MOB1A: variants seen among roughly 807,000 people sequenced by gnomAD.
The protein encoded by MOB1A is MOB1 Mps One Binder homolog A.
MOB1A carries 10 observed loss-of-function variants against 25.1 expected under a neutral mutation model. The observed-to-expected ratio is 0.40, with a 90% CI of 0.25 to 0.68. The LOEUF (loss-of-function observed/expected upper bound fraction) is 0.68, where lower values mean the gene tolerates loss of function less well. MOB1A is among the 30% of genes least tolerant of loss of function. The pLI, the probability that MOB1A is intolerant of heterozygous loss-of-function variation, is 0.40. For synonymous variants in MOB1A, 81 were observed against 79.5 expected, an observed-to-expected ratio of 1.02 and a Z score of -0.10; for missense variants, 177 against 256.3, an observed-to-expected ratio of 0.69 and a Z score of 2.11.
intron 1 of MOB1A, among the ~76,000 whole-genome samples, chr2:74,173,005 G>A (rs532575322): frequency 4.6e-5 from 7 of 152,048 alleles, no homozygotes; most frequent in South Asian, 4.1e-4. Context: ...GCATGATGGC[G>A]CACACCTGTA....
At chr2:74,174,595 T>C (rs537688761) in intron 1 of MOB1A, among the ~76,000 whole-genome samples, 26 of 152,336 alleles carry the variant, frequency 1.7e-4, no homozygotes, top group African/African-American at 5.3e-4. Flanking sequence ...CAACTCGTTA[T>C]TGAGGAAAAA....
rs1472180432 is a variant in MOB1A at position 74,155,144 on chromosome 2, G to C, written c.*1424C>G. ...CACATAGAATGCTGATGAACTTAAA[G>C]CTTTGCCAGTTTGGCAAGTCTTCCA... On this transcript the variant is annotated 3_prime_UTR_variant, in exon 6 of 6. Coordinates refer to ENST00000396049, the MANE Select transcript of MOB1A (RefSeq NM_018221.5). The C allele has an allele frequency of 6.6e-6, 1 of 152,406 alleles. No individual in the cohort carries two copies. Among genetic ancestry groups the C allele is most frequent in the East Asian group, 1.9e-4 (1 of 5,194 alleles). 9.4% of individuals were successfully genotyped at this position (152,406 alleles called of 1,614,324 possible).
intron 5 of MOB1A, 30 bp downstream of exon 5, chr2:74,159,061 G>A (rs755205310): frequency 1.2e-5 from 19 of 1,610,706 alleles, no homozygotes; most frequent in African/African-American, 8.0e-5. Flanking sequence ...CCAAGTCACA[G>A]GACACAGAAA....
rs1022516721 is a variant in MOB1A, at chr2:74,154,482, T to G, written c.*2086A>C. On this transcript the variant is annotated 3_prime_UTR_variant, in exon 6 of 6. Transcript: ENST00000396049. ...TTTATGTCCCATTTATAAGCTGCCT[T>G]TACTACTGTCCTGACATGTGATCGT... 2 of 152,240 alleles carry G rather than the reference T, an allele frequency of 1.3e-5. No individual in the cohort carries two copies. Among genetic ancestry groups the G allele is most frequent in the Non-Finnish European group, 2.9e-5 (2 of 68,042 alleles). The allele number at this position is 152,240 out of a possible 1,614,324, so 9.4% of individuals were successfully genotyped here.
At chr2:74,158,571 G>A (rs376389491) in intron 5 of MOB1A, among the ~76,000 whole-genome samples, 8 of 152,034 alleles carry the variant, frequency 5.3e-5, no homozygotes, top group African/African-American at 1.9e-4. Context: ...GGGTGGATCA[G>A]GAGTTCGAGA....
In MOB1A at chr2:74,153,192, G is replaced by A. The variant is rs1692705086; in HGVS notation, c.*3376C>T. The A allele has an allele frequency of 6.6e-6, 1 of 152,208 alleles. No individual in the cohort carries two copies. The highest frequency in any genetic ancestry group is 1.5e-5 in the Non-Finnish European group (1 of 68,050). 9.4% of individuals were successfully genotyped at this position (152,208 alleles called of 1,614,324 possible). A position where few individuals can be genotyped will look rare whatever the true frequency, so the allele number is the denominator to read the frequency against. On this transcript the variant is annotated 3_prime_UTR_variant, in exon 6 of 6. Transcript: ENST00000396049. ...GGAGGCAGGCTCCTAAAACAAGGCG[G>A]TAGCACCAGCACCATGACTAGGGCT... is the stretch of plus-strand genomic sequence containing the variant.
intron 5 of MOB1A, among the ~76,000 whole-genome samples, chr2:74,157,217 A>C (rs1558829908): frequency 1.3e-5 from 2 of 151,508 alleles, no homozygotes; most frequent in South Asian, 4.2e-4. Flanking sequence ...CAATTATTTA[A>C]TCAATCATGG....
At chr2:74,168,721 A>G (rs1962332) in intron 2 of MOB1A, among the ~76,000 whole-genome samples, 21,450 of 152,296 alleles carry the variant, frequency 0.14, 1,833 homozygotes, top group East Asian at 0.38. Context: ...TTAAAAAACA[A>G]ATAGATTTTT....
chr2:74,176,869 T>C (rs950421482), intron 1 of MOB1A, among the ~76,000 whole-genome samples: 21 of 152,074 alleles, frequency 1.4e-4, no homozygotes, highest in Admixed American at 7.9e-4. Flanking sequence ...ACTTTGAAGT[T>C]TGGCAGTTCC....
chr2:74,167,134 A>G, intron 2 of MOB1A, 27 bp from the exon 3 acceptor site: 2 of 1,583,806 alleles, frequency 1.3e-6, no homozygotes, highest in Non-Finnish European at 8.7e-7. Context: ...ATTGTGTCAA[A>G]ATGTCTGTGT....
intron 4 of MOB1A, among the ~76,000 whole-genome samples, chr2:74,162,664 G>A (rs574135824): frequency 4.6e-5 from 7 of 152,198 alleles, no homozygotes; most frequent in African/African-American, 1.7e-4. Context: ...GAAATAAAAG[G>A]TTTAATAGCA....
chr2:74,171,223 G>A (rs1030643564), intron 2 of MOB1A, among the ~76,000 whole-genome samples: 1 of 151,860 alleles, frequency 6.6e-6, no homozygotes, highest in Non-Finnish European at 1.5e-5. Context: ...TGGAGGTGGA[G>A]GTTGCAGTGA....
intron 1 of MOB1A, among the ~76,000 whole-genome samples, chr2:74,176,756 T>G (rs1231101740): frequency 7.0e-6 from 1 of 142,782 alleles, no homozygotes; most frequent in Non-Finnish European, 1.5e-5. Flanking sequence ...AGAGCAAGAC[T>G]CTGTCTCAAA....
At chr2:74,175,107 A>G (rs537749201) in intron 1 of MOB1A, among the ~76,000 whole-genome samples, 1 of 152,302 alleles carries the variant, frequency 6.6e-6, no homozygotes, top group South Asian at 2.1e-4. Context: ...ACCTCTTGTC[A>G]TATCAGCAGA....
At chr2:74,167,392 C>A (rs1693162200) in intron 2 of MOB1A, among the ~76,000 whole-genome samples, 2 of 152,142 alleles carry the variant, frequency 1.3e-5, no homozygotes, top group Admixed American at 1.3e-4. Flanking sequence ...ATTACAGGTG[C>A]ATGCCACCAC....
chr2:74,163,756 T>C (rs1297717458), intron 4 of MOB1A, among the ~76,000 whole-genome samples: 2 of 151,998 alleles, frequency 1.3e-5, no homozygotes, highest in African/African-American at 2.4e-5. Flanking sequence ...ATTAAGAAAC[T>C]TGAACAACTG....
At chr2:74,178,073 T>A (rs968838960) in intron 1 of MOB1A, 4 of 152,240 alleles carry the variant, frequency 2.6e-5, no homozygotes, top group Admixed American at 2.6e-4. Context: ...ATAATAATGC[T>A]GTATGGTATA....
At position 74,159,211 on chromosome 2, in the gene MOB1A, A is replaced by G. The variant is rs759852322; in HGVS notation, c.453T>C (p.Ile151=). 8 of 1,613,852 alleles carry G rather than the reference A, an allele frequency of 5.0e-6. No individual in the cohort carries two copies. In the South Asian group the frequency reaches 5.5e-5, roughly 11 times the overall value. Residue 151 remains isoleucine (I), a synonymous_variant, in exon 5 of 6, where the codon ATT becomes ATC. Coordinates refer to ENST00000396049, the MANE Select transcript of MOB1A (RefSeq NM_018221.5). The stretch of plus-strand genomic sequence containing the variant: ...CATAAACCCTGAACAGACGCTTTAG[A>G]ATAGTCTTTGCCACAGACATAAAGT... ...PKNFMSVAKT[I]LKRLFRVYAH...
rs1692758426 is a variant in MOB1A at position 74,154,823 on chromosome 2, T to TA, written c.*1744_*1745insT. On this transcript the variant is annotated 3_prime_UTR_variant, in exon 6 of 6. Transcript: ENST00000396049. ...TTGGATAAGCTTAAAACATGGATTGTGGAATGTCTAATAGAGGGCTTTTCT... is the reference window on the plus strand; with the variant it reads ...TTGGATAAGCTTAAAACATGGATTGTAGGAATGTCTAATAGAGGGCTTTTCT... 1 of 152,196 alleles carries TA rather than the reference T, an allele frequency of 6.6e-6. No homozygotes were observed. The highest frequency in any genetic ancestry group is 2.4e-5 in the African/African-American group (1 of 41,448). 9.4% of individuals were successfully genotyped at this position (152,196 alleles called of 1,614,324 possible). A position where few individuals can be genotyped will look rare whatever the true frequency, so the allele number is the denominator to read the frequency against.
Sources: gnomAD v4.1 joint callset for allele counts (sites outside exome capture counted in the v4.1 genomes callset) on GRCh38, gnomAD v4.1.1 for gene constraint, MANE v1.5 for transcripts, NCBI Gene and HGNC (gene_info 2026-07-23, HGNC 2026-07-21) for gene names.